The following ST8SIA1 variants were observed in gnomAD, a reference collection of about 807,000 sequenced individuals.
ST8SIA1 encodes the protein alpha-N-acetylneuraminide alpha-2,8-sialyltransferase.
Under a neutral mutation model 35.9 loss-of-function variants are expected in ST8SIA1, and 16 were observed. That is an observed-to-expected ratio of 0.45 (90% CI 0.30 to 0.68). The LOEUF (loss-of-function observed/expected upper bound fraction) is 0.68, where lower values mean the gene tolerates loss of function less well. Among genes scored for constraint, ST8SIA1 ranks in the 30% least tolerant of loss-of-function variants. ST8SIA1 has a pLI of 0.09. For missense variants in ST8SIA1, 383 were observed against 453.6 expected (o/e 0.84, Z 1.41); for synonymous variants, 170 against 169.6 (o/e 1.00, Z -0.02).
At chr12:22,267,071 G>T (rs1383525746) in intron 2 of ST8SIA1, among the ~76,000 whole-genome samples, 1 of 152,098 alleles carries the variant, frequency 6.6e-6, no homozygotes, top group South Asian at 2.1e-4. Context: ...AGAACATTTG[G>T]CAAGTATTTA....
chr12:22,229,689 CTG>C (rs1158881338), intron 4 of ST8SIA1, among the ~76,000 whole-genome samples: 1 of 149,978 alleles, frequency 6.7e-6, no homozygotes, highest in Non-Finnish European at 1.5e-5. Flanking sequence ...GTGCCAATAA[CTG>C]TGATGATAAC....
chr12:22,207,365 G>A (rs1443616679), intron 4 of ST8SIA1, among the ~76,000 whole-genome samples: 2 of 152,336 alleles, frequency 1.3e-5, no homozygotes, highest in South Asian at 2.1e-4. Context: ...GTAGACAGCC[G>A]TGCTGTGAGG....
At chr12:22,257,089 A>C (rs1462566694) in intron 2 of ST8SIA1, among the ~76,000 whole-genome samples, 1 of 152,220 alleles carries the variant, frequency 6.6e-6, no homozygotes. Flanking sequence ...TGGAAAACAG[A>C]TGATAAGTAA....
At chr12:22,224,665 G>C (rs1476845990) in intron 4 of ST8SIA1, among the ~76,000 whole-genome samples, 3 of 152,106 alleles carry the variant, frequency 2.0e-5, no homozygotes, top group African/African-American at 4.8e-5. Flanking sequence ...TAAATTTTTG[G>C]AGTCAAATGT....
chr12:22,251,919 C>A (rs1200843526), intron 3 of ST8SIA1, among the ~76,000 whole-genome samples: 1 of 152,196 alleles, frequency 6.6e-6, no homozygotes, highest in Non-Finnish European at 1.5e-5. Flanking sequence ...GCAAAACATA[C>A]ATTTGAGCAT....
chr12:22,201,332 A>C lies in ST8SIA1; in HGVS notation c.*220T>G. On this transcript the variant is annotated 3_prime_UTR_variant, in exon 5 of 5. Transcript: ENST00000396037. ...TTCACCAGCATTTTACTAGTTGCAAATCTGCCATGTGCTATAAAGTATTTC... is the reference window on the plus strand; with the variant it reads ...TTCACCAGCATTTTACTAGTTGCAACTCTGCCATGTGCTATAAAGTATTTC... 1 of 507,158 alleles carries C rather than the reference A, an allele frequency of 2.0e-6. No individual in the cohort carries two copies. The highest frequency in any genetic ancestry group is 3.3e-6 in the Non-Finnish European group (1 of 304,100). 31.4% of individuals were successfully genotyped at this position (507,158 alleles called of 1,614,324 possible).
chr12:22,334,589 G>C lies in ST8SIA1; in HGVS notation c.-357C>G. 1 of 322,208 alleles carries C rather than the reference G, an allele frequency of 3.1e-6. No homozygotes were observed. Among genetic ancestry groups the C allele is most frequent in the South Asian group, 3.7e-5 (1 of 27,384 alleles). 20.0% of individuals were successfully genotyped at this position (322,208 alleles called of 1,614,324 possible). A position where few individuals can be genotyped will look rare whatever the true frequency, so the allele number is the denominator to read the frequency against. ...GCAGCATCACGGTCGCCCTCGGCGA[G>C]GGTCCGGGAGAAGGCTCGGCTCCCT... is the stretch of plus-strand genomic sequence containing the variant. On this transcript the variant is annotated 5_prime_UTR_variant, in exon 1 of 5. Coordinates refer to ENST00000396037, the MANE Select transcript of ST8SIA1 (RefSeq NM_003034.4).
At chr12:22,229,615 C>T (rs1277078934) in intron 4 of ST8SIA1, among the ~76,000 whole-genome samples, 20 of 93,682 alleles carry the variant, frequency 2.1e-4, no homozygotes, top group East Asian at 5.8e-4. Flanking sequence ...GACCGGGTTT[C>T]AAAAAAAAAA....
intron 4 of ST8SIA1, among the ~76,000 whole-genome samples, chr12:22,217,146 T>C (rs1474492236): frequency 2.0e-5 from 3 of 152,140 alleles, no homozygotes; most frequent in Non-Finnish European, 4.4e-5. Flanking sequence ...AAAATCTCAT[T>C]TTTTTTCCAG....
chr12:22,325,425 G>A (rs1014637729), intron 1 of ST8SIA1: 27 of 701,662 alleles, frequency 3.8e-5, no homozygotes, highest in Non-Finnish European at 4.9e-5. Flanking sequence ...CAGCTCTTAC[G>A]GTCTTGGCTG....
At chr12:22,232,113 A>C (rs979561968) in intron 4 of ST8SIA1, among the ~76,000 whole-genome samples, 1 of 152,148 alleles carries the variant, frequency 6.6e-6, no homozygotes, top group Non-Finnish European at 1.5e-5. Flanking sequence ...CCAGTCAGAA[A>C]CTAGCTGGCA....
chr12:22,200,116 T>G lies in ST8SIA1; in HGVS notation c.*1436A>C, dbSNP rs1297153189. 3 of 152,244 alleles carry G rather than the reference T, an allele frequency of 2.0e-5. No homozygotes were observed. The highest frequency in any genetic ancestry group is 7.2e-5 in the African/African-American group (3 of 41,464). The allele number at this position is 152,244 out of a possible 1,614,324, so 9.4% of individuals were successfully genotyped here. ...CTTTACTTGTACAAACTATACCTTG[T>G]GTGACCACGCTCAACAGCAAGCCCA... is the stretch of plus-strand genomic sequence containing the variant. On this transcript the variant is annotated 3_prime_UTR_variant, in exon 5 of 5. Coordinates refer to ENST00000396037, the MANE Select transcript of ST8SIA1 (RefSeq NM_003034.4).
At chr12:22,239,546 T>C (rs1233546213) in intron 4 of ST8SIA1, among the ~76,000 whole-genome samples, 1 of 152,238 alleles carries the variant, frequency 6.6e-6, no homozygotes, top group East Asian at 1.9e-4. Context: ...GATATTCTCT[T>C]ATTGGCTTCT....
At chr12:22,204,306 A>G (rs2300712) in intron 4 of ST8SIA1, among the ~76,000 whole-genome samples, 101,581 of 152,106 alleles carry the variant, frequency 0.67, 34,283 homozygotes, top group South Asian at 0.85. Flanking sequence ...TATTTAAGGT[A>G]TGTAATGTGG....
At chr12:22,298,975 T>G (rs1356575517) in intron 1 of ST8SIA1, among the ~76,000 whole-genome samples, 1 of 152,022 alleles carries the variant, frequency 6.6e-6, no homozygotes, top group African/African-American at 2.4e-5. Flanking sequence ...GTAGACGGAA[T>G]GAATCATTTG....
intron 2 of ST8SIA1, among the ~76,000 whole-genome samples, chr12:22,263,229 C>T (rs758397929): frequency 5.9e-5 from 9 of 152,128 alleles, no homozygotes; most frequent in East Asian, 1.9e-4. Flanking sequence ...CTTTTGAAGA[C>T]GACAACAGGA....
chr12:22,308,857 G>T (rs760067346), intron 1 of ST8SIA1, among the ~76,000 whole-genome samples: 15 of 152,128 alleles, frequency 9.9e-5, no homozygotes, highest in Middle Eastern at 3.4e-3. Context: ...CTCTCTAAGT[G>T]CTTTTTCTCT....
In ST8SIA1 at chr12:22,201,647, C is replaced by T. The variant is rs753572987; in HGVS notation, c.976G>A (p.Glu326Lys). 14 of 1,613,940 alleles carry T rather than the reference C, an allele frequency of 8.7e-6. No individual in the cohort carries two copies. The highest frequency in any genetic ancestry group is 5.3e-5 in the African/African-American group (4 of 74,908). The stretch of plus-strand genomic sequence containing the variant: ...AGATACCAGAGTTGGAGAAATTCCT[C>T]GGGCATGGCATGGAAGCCAGAAAAG... ...LPFSGFHAMP[E>K]EFLQLWYLHK... is the part of the protein sequence containing the mutation. Residue 326 changes from glutamate (E) to lysine (K), a missense_variant, in exon 5 of 5, where the codon GAG (glutamate) becomes AAG (lysine). By Grantham distance (56) the Glu-to-Lys change is moderately conservative. Coordinates refer to ENST00000396037, the MANE Select transcript of ST8SIA1 (RefSeq NM_003034.4).
intron 1 of ST8SIA1, among the ~76,000 whole-genome samples, chr12:22,332,937 A>G (rs1415061299): frequency 6.6e-6 from 1 of 152,142 alleles, no homozygotes. Flanking sequence ...CACAGGAAGA[A>G]GCCAACAGCA....
Sources: allele counts gnomAD v4.1 joint callset (sites outside exome capture counted in the v4.1 genomes callset), GRCh38; gene constraint gnomAD v4.1.1; transcripts MANE v1.5; gene names NCBI Gene and HGNC (gene_info 2026-07-23, HGNC 2026-07-21).